ULK4: variants seen among roughly 807,000 people sequenced by gnomAD.
ULK4 encodes the protein inactive serine/threonine-protein kinase ULK4.
A neutral mutation model predicts 160.6 loss-of-function variants in ULK4; 133 were observed. The ratio of observed to expected loss-of-function variants is 0.83; its 90% CI spans 0.72 to 0.96. ULK4 has a LOEUF of 0.96. Ranked by LOEUF, ULK4 falls within the 40% of genes least tolerant of loss-of-function variation. The pLI, the probability that ULK4 is intolerant of heterozygous loss-of-function variation, is 0.00. For missense variants in ULK4, 1,580 were observed against 1,499.5 expected, an observed-to-expected ratio of 1.05 and a Z score of -0.89; for synonymous variants, 534 against 539.8, an observed-to-expected ratio of 0.99 and a Z score of 0.15.
At chr3:41,832,032 T>C (rs889868839) in intron 18 of ULK4, among the ~76,000 whole-genome samples, 2 of 152,200 alleles carry the variant, frequency 1.3e-5, no homozygotes, top group South Asian at 2.1e-4. Context: ...GTCTTTATAG[T>C]AGAATGATCT....
In ULK4 at chr3:41,641,188, T is replaced by C. The variant is rs182364076; in HGVS notation, c.3071+22419A>G. ...TATCCATTGTCACCCTCCTGTGAAA[T>C]CTTCTCTGGGCAAATCAGCCCTGGT... On this transcript the variant is annotated intron_variant, in intron 30 of 36. Coordinates refer to ENST00000301831, the MANE Select transcript of ULK4 (RefSeq NM_017886.4). Among the ~76,000 whole-genome samples the C allele has an allele frequency of 4.0e-3, 607 of 152,264 alleles. 7 individuals are homozygous for C. Among genetic ancestry groups the C allele is most frequent in the African/African-American group, 0.014 (580 of 41,544 alleles).
intron 31 of ULK4, among the ~76,000 whole-genome samples, chr3:41,601,527 CAG>C (rs943909382): frequency 7.9e-5 from 12 of 152,044 alleles, no homozygotes; most frequent in East Asian, 7.7e-4. Flanking sequence ...GAGAGGGAAA[CAG>C]GGGACTAATT....
rs145857950 is a variant in ULK4 at position 41,859,331 on chromosome 3, G to A, written c.1657-23360C>T. 34 of 593,966 alleles carry A rather than the reference G, an allele frequency of 5.7e-5. No individual in the cohort carries two copies. The East Asian group carries it at 1.1e-3, about 19-fold the overall frequency. 36.8% of individuals were successfully genotyped at this position (593,966 alleles called of 1,614,324 possible). A position where few individuals can be genotyped will look rare whatever the true frequency, so the allele number is the denominator to read the frequency against. ...CTCGTGACCTCAAAGACTGAGCACT[G>A]TAGAGCACATCTTCCTCCTCAAGGC... On this transcript the variant is annotated intron_variant, in intron 17 of 36. Transcript: ENST00000301831.
chr3:41,656,256 T>G (rs1281555001), intron 30 of ULK4, among the ~76,000 whole-genome samples: 2 of 152,124 alleles, frequency 1.3e-5, no homozygotes, highest in East Asian at 3.8e-4. Context: ...TACAACATTT[T>G]CTATGGACTA....
At chr3:41,818,493 A>G (rs2041041093) in intron 19 of ULK4, among the ~76,000 whole-genome samples, 1 of 152,230 alleles carries the variant, frequency 6.6e-6, no homozygotes, top group Non-Finnish European at 1.5e-5. Flanking sequence ...TCTTTTGATG[A>G]TAGCTGAGAA....
intron 8 of ULK4, 75 bp from the exon 9 acceptor site, chr3:41,912,974 T>G: frequency 1.5e-6 from 2 of 1,297,050 alleles, no homozygotes; most frequent in Non-Finnish European, 2.2e-6. Flanking sequence ...ATGTCCCAAT[T>G]ACACATAGCA....
intron 30 of ULK4, among the ~76,000 whole-genome samples, chr3:41,636,039 G>A (rs1179433196): frequency 6.6e-6 from 1 of 152,066 alleles, no homozygotes; most frequent in East Asian, 1.9e-4. Context: ...AAACCTAGTG[G>A]GGTTTAGAAA....
intron 32 of ULK4, among the ~76,000 whole-genome samples, chr3:41,547,083 T>C (rs2086889944): frequency 6.6e-6 from 1 of 152,202 alleles, no homozygotes; most frequent in Non-Finnish European, 1.5e-5. Flanking sequence ...CCAGTCACTG[T>C]CATAAGAGAA....
chr3:41,922,470 G>A (rs910759033), intron 5 of ULK4, among the ~76,000 whole-genome samples: 2 of 152,126 alleles, frequency 1.3e-5, no homozygotes, highest in Non-Finnish European at 2.9e-5. Flanking sequence ...GGAAAGGGAA[G>A]GGAGGGGAGA....
intron 17 of ULK4, among the ~76,000 whole-genome samples, chr3:41,873,727 A>G (rs773468975): frequency 1.6e-4 from 25 of 151,960 alleles, no homozygotes; most frequent in Non-Finnish European, 3.2e-4. Context: ...CTAATTTTGT[A>G]TTTTTAGTAG....
chr3:41,705,128 T>A lies in ULK4; in HGVS notation c.2710A>T (p.Ile904Phe). The A allele has an allele frequency of 6.2e-7, 1 of 1,613,924 alleles. No individual in the cohort carries two copies. Among genetic ancestry groups the A allele is most frequent in the Non-Finnish European group, 8.5e-7 (1 of 1,179,892 alleles). The change falls in exon 27 of 37, where the codon ATC becomes TTC. Residue 904 changes from isoleucine to phenylalanine, a missense_variant. By Grantham distance (21) the Ile-to-Phe change is conservative. Coordinates refer to ENST00000301831, the MANE Select transcript of ULK4 (RefSeq NM_017886.4). ...AIGLTASEEF[I>F]KITLSAFEAI... ...TCAAAAGCTGACAATGTGATCTTGA[T>A]AAATTCTTCTGATGCTGTCAGTCCT...
intron 22 of ULK4, among the ~76,000 whole-genome samples, chr3:41,740,407 A>G (rs565781537): frequency 1.1e-4 from 17 of 152,010 alleles, no homozygotes; most frequent in African/African-American, 3.9e-4. Context: ...ATCAGCTTAC[A>G]AGACCATTCA....
intron 31 of ULK4, among the ~76,000 whole-genome samples, chr3:41,603,588 CT>C (rs1195846534): frequency 2.6e-5 from 4 of 151,084 alleles, no homozygotes; most frequent in Middle Eastern, 3.4e-3. Context: ...ATAGAATACA[CT>C]TTTTTTTTCA....
chr3:41,309,452 C>G (rs909407086), intron 35 of ULK4, among the ~76,000 whole-genome samples: 4 of 152,122 alleles, frequency 2.6e-5, no homozygotes, highest in Non-Finnish European at 5.9e-5. Flanking sequence ...ATCCTCCTGC[C>G]TCAGCCCTCC....
chr3:41,784,372 T>C (rs1204945891), intron 21 of ULK4, among the ~76,000 whole-genome samples: 1 of 152,044 alleles, frequency 6.6e-6, no homozygotes, highest in Non-Finnish European at 1.5e-5. Flanking sequence ...AGGCGGAGGT[T>C]GCGGTGAGCC....
intron 34 of ULK4, among the ~76,000 whole-genome samples, chr3:41,402,503 T>C (rs1351520925): frequency 2.6e-5 from 4 of 152,192 alleles, no homozygotes; most frequent in Non-Finnish European, 5.9e-5. Flanking sequence ...TTTTCATAGA[T>C]GCCCTTTATC....
chr3:41,357,383 A>C (rs1016185014), intron 35 of ULK4, among the ~76,000 whole-genome samples: 2 of 152,116 alleles, frequency 1.3e-5, no homozygotes, highest in Non-Finnish European at 2.9e-5. Context: ...AACTGTGAGG[A>C]TGTGTTCATG....
chr3:41,822,094 T>C (rs958272876), intron 18 of ULK4, among the ~76,000 whole-genome samples: 2 of 152,154 alleles, frequency 1.3e-5, no homozygotes, highest in Non-Finnish European at 2.9e-5. Flanking sequence ...GGCATGCAAA[T>C]CAGCTGACAT....
At chr3:41,576,158 C>G (rs546739176) in intron 31 of ULK4, among the ~76,000 whole-genome samples, 248 of 152,352 alleles carry the variant, frequency 1.6e-3, no homozygotes, top group Non-Finnish European at 3.1e-3. Context: ...CTTCTCCTCA[C>G]ATCCCTGCCA....
Sources: allele counts gnomAD v4.1 joint callset (sites outside exome capture counted in the v4.1 genomes callset), GRCh38; gene constraint gnomAD v4.1.1; transcripts MANE v1.5; gene names NCBI Gene and HGNC (gene_info 2026-07-23, HGNC 2026-07-21).